EFHC2: variants seen among roughly 807,000 people sequenced by gnomAD.
EFHC2 encodes the protein EF-hand domain-containing family member C2.
Under a neutral mutation model 52.7 loss-of-function variants are expected in EFHC2, and 18 were observed. That is an observed-to-expected ratio of 0.34 (90% confidence interval 0.24 to 0.51). EFHC2 has a LOEUF of 0.51. Ranked by LOEUF, EFHC2 falls within the 20% of genes least tolerant of loss-of-function variation. The pLI, the probability that EFHC2 is intolerant of heterozygous loss-of-function variation, is 0.97. For synonymous variants in EFHC2, 203 were observed against 204.1 expected, an observed-to-expected ratio of 0.99 and a Z score of 0.04; for missense variants, 513 against 562.5, an observed-to-expected ratio of 0.91 and a Z score of 0.89.
chrX:44,317,980 T>C (rs2037993856), intron 1 of EFHC2, among the ~76,000 whole-genome samples: 1 of 112,496 alleles, frequency 8.9e-6, no homozygotes, highest in South Asian at 3.6e-4. Context: ...TCTCATTAAG[T>C]TAAACATAGA....
At chrX:44,338,239 G>T (rs1247585305) in intron 1 of EFHC2, among the ~76,000 whole-genome samples, 1 of 111,339 alleles carries the variant, frequency 9.0e-6, no homozygotes, top group Non-Finnish European at 1.9e-5. Context: ...CTCTTTGAAG[G>T]GTGAGAGATG....
At chrX:44,248,531 AAAATC>A (rs2037417584) in intron 6 of EFHC2, 121 bp from the exon 7 acceptor site, 2 of 864,221 alleles carry the variant, frequency 2.3e-6, no homozygotes, top group Admixed American at 7.3e-5. Context: ...CTAAATTTTA[AAAATC>A]AAATAAAAAA....
At position 44,235,442 on chromosome X, in the gene EFHC2, C is replaced by T; in HGVS notation, c.1286G>A (p.Gly429Asp). 1 of 1,185,225 alleles carries T rather than the reference C, an allele frequency of 8.4e-7. No homozygotes were observed. The highest frequency in any genetic ancestry group is 1.1e-6 in the Non-Finnish European group (1 of 882,386). Reference sequence around the variant, plus strand: ...AAAACGGAGTATATTGCTTTTGGAGCCATAGCTAAATGGAAGAGAAATGAG... The same window carrying T: ...AAAACGGAGTATATTGCTTTTGGAGTCATAGCTAAATGGAAGAGAAATGAG... ...FKKFMEKDSY[G>D]SKSNILRFFA... The change falls in exon 9 of 15, where the codon GGC (glycine) becomes GAC (aspartate). Residue 429 changes from glycine to aspartate, a missense_variant. Physicochemically the swap from Gly to Asp is moderately conservative, Grantham distance 94 (BLOSUM62 -1). Transcript: ENST00000420999.
At chrX:44,324,152 T>C (rs911927424) in intron 1 of EFHC2, among the ~76,000 whole-genome samples, 1 of 110,750 alleles carries the variant, frequency 9.0e-6, no homozygotes, top group African/African-American at 3.3e-5. Flanking sequence ...AAACCTAAGA[T>C]AATTTTCAGA....
chrX:44,305,083 G>A (rs1345733701), intron 2 of EFHC2, among the ~76,000 whole-genome samples: 8 of 109,749 alleles, frequency 7.3e-5, no homozygotes, highest in African/African-American at 2.7e-4. Context: ...TCAACATGGC[G>A]AAATCCCGTC....
intron 14 of EFHC2, among the ~76,000 whole-genome samples, chrX:44,151,069 T>C (rs2036566712): frequency 9.1e-6 from 1 of 110,186 alleles, no homozygotes; most frequent in South Asian, 3.9e-4. Context: ...ACGCCAAAGA[T>C]TGCCAGAAAA....
At chrX:44,334,548 T>A (rs1193720415) in intron 1 of EFHC2, among the ~76,000 whole-genome samples, 1 of 112,262 alleles carries the variant, frequency 8.9e-6, no homozygotes, top group Non-Finnish European at 1.9e-5. Flanking sequence ...CGATCTCGGC[T>A]CACCACAACC....
intron 13 of EFHC2, among the ~76,000 whole-genome samples, chrX:44,172,209 G>T (rs2036751141): frequency 8.9e-6 from 1 of 112,158 alleles, no homozygotes; most frequent in African/African-American, 3.2e-5. Context: ...GGACAGAGCT[G>T]CTGGGGAAAG....
At chrX:44,332,523 A>G (rs1054260999) in intron 1 of EFHC2, among the ~76,000 whole-genome samples, 3 of 111,301 alleles carry the variant, frequency 2.7e-5, no homozygotes, top group African/African-American at 3.3e-5. Flanking sequence ...ACATCCCTCA[A>G]TACCCTTTGC....
intron 11 of EFHC2, among the ~76,000 whole-genome samples, chrX:44,190,956 C>T (rs1254509595): frequency 9.0e-6 from 1 of 111,320 alleles, no homozygotes; most frequent in Admixed American, 9.6e-5. Context: ...CCACCCATGA[C>T]CTTGAACTGG....
intron 2 of EFHC2, chrX:44,310,486 G>C: frequency 1.8e-6 from 1 of 568,799 alleles, no homozygotes; most frequent in East Asian, 3.7e-5. Flanking sequence ...TGGTGGTAGC[G>C]CGGCAAAGGA....
chrX:44,298,817 C>T (rs1263779758), intron 2 of EFHC2, among the ~76,000 whole-genome samples: 4 of 95,302 alleles, frequency 4.2e-5, no homozygotes, highest in Admixed American at 1.2e-4. Context: ...GCAGAGACCG[C>T]GCCATTGCAC....
chrX:44,181,398 G>A (rs1234629674), intron 11 of EFHC2, among the ~76,000 whole-genome samples: 1 of 109,973 alleles, frequency 9.1e-6, no homozygotes, highest in African/African-American at 3.3e-5. Flanking sequence ...AGAATATGGC[G>A]TGAAGAAGAG....
At chrX:44,236,542 T>G (rs1205602096) in intron 8 of EFHC2, among the ~76,000 whole-genome samples, 1 of 112,305 alleles carries the variant, frequency 8.9e-6, no homozygotes, top group African/African-American at 3.2e-5. Flanking sequence ...ATAAACCAAG[T>G]ATTTCTGATT....
intron 11 of EFHC2, among the ~76,000 whole-genome samples, chrX:44,208,705 A>G (rs1358930123): frequency 8.9e-6 from 1 of 111,746 alleles, no homozygotes; most frequent in African/African-American, 3.3e-5. Flanking sequence ...ATCAAAATAC[A>G]ATCACCTTTT....
At chrX:44,239,380 G>A (rs147408131) in intron 8 of EFHC2, among the ~76,000 whole-genome samples, 5,155 of 111,744 alleles carry the variant, frequency 0.046, 106 homozygotes, top group Non-Finnish European at 0.071. Flanking sequence ...ACAAACTATT[G>A]ATCCCCAAAT....
intron 13 of EFHC2, among the ~76,000 whole-genome samples, chrX:44,168,314 C>T (rs940768263): frequency 3.6e-5 from 4 of 111,587 alleles, no homozygotes; most frequent in East Asian, 5.6e-4. Flanking sequence ...GGGCGGATCA[C>T]GAGGTCAGGA....
intron 11 of EFHC2, among the ~76,000 whole-genome samples, chrX:44,203,213 TGAAA>T (rs1436477364): frequency 1.8e-5 from 2 of 111,158 alleles, no homozygotes; most frequent in Non-Finnish European, 3.8e-5. Flanking sequence ...GAGCTCACAC[TGAAA>T]GAAAGTGCTT....
Position 44,250,203 on chromosome X carries a change from C to T in EFHC2, c.849G>A (p.Lys283=), listed in dbSNP as rs2037431647. 1 of 1,208,276 alleles carries T rather than the reference C, an allele frequency of 8.3e-7. No homozygotes were observed. The highest frequency in any genetic ancestry group is 2.2e-5 in the Admixed American group (1 of 45,734). ...TATATCCACTGCTCACCTTGGGTAG[C>T]TTACTCCTCCGGAGGAACATTTTTA... ...DALKMFLRRS[K]LPKNCPPRVY... is the part of the protein sequence containing the mutation. The change falls in exon 5 of 15, where the codon AAG becomes AAA. Residue 283 remains lysine (K), a synonymous_variant. Transcript: ENST00000420999.
Sources: allele counts gnomAD v4.1 joint callset (sites outside exome capture counted in the v4.1 genomes callset), GRCh38; gene constraint gnomAD v4.1.1; transcripts MANE v1.5; gene names NCBI Gene and HGNC (gene_info 2026-07-23, HGNC 2026-07-21).